The following PSEN1 variants were observed in gnomAD, a reference collection of about 807,000 sequenced individuals.
The protein encoded by PSEN1 is presenilin-1.
In PSEN1, 15 loss-of-function variants were observed where a neutral mutation model predicts 53.5. The observed-to-expected ratio is 0.28, with a 90% CI of 0.19 to 0.43. The LOEUF (loss-of-function observed/expected upper bound fraction) is 0.43. Ranked by LOEUF, PSEN1 falls within the 20% of genes least tolerant of loss-of-function variation. PSEN1 has a pLI of 1.00. For synonymous variants in PSEN1, 208 were observed against 209.8 expected (o/e 0.99, Z 0.08); for missense variants, 387 against 571.2 (o/e 0.68, Z 3.29).
chr14:73,199,235 T>C (rs1595044607), intron 8 of PSEN1, among the ~76,000 whole-genome samples: 3 of 152,298 alleles, frequency 2.0e-5, no homozygotes, highest in African/African-American at 7.2e-5. Flanking sequence ...AGATAGAGAC[T>C]TGAAGAACAT....
intron 9 of PSEN1, among the ~76,000 whole-genome samples, chr14:73,206,971 A>G (rs945450330): frequency 2.0e-5 from 3 of 152,196 alleles, no homozygotes; most frequent in Non-Finnish European, 4.4e-5. Flanking sequence ...GCTGATGTGT[A>G]TACTGAGAAG....
At position 73,183,487 on chromosome 14, in the gene PSEN1, G is replaced by A. The variant is rs1158325753; in HGVS notation, c.481-3366G>A. ...GTCCCTGGGTACTTGAGATTAGGGA[G>A]TGGTGATGACTCTTAACGAGCATGC... On this transcript the variant is annotated intron_variant, in intron 5 of 11. Transcript: ENST00000324501. Among the ~76,000 whole-genome samples, 8 of 152,180 alleles carry A rather than the reference G, an allele frequency of 5.3e-5. No individual in the cohort carries two copies. The South Asian group carries it at 1.7e-3, about 32-fold the overall frequency.
intron 3 of PSEN1, among the ~76,000 whole-genome samples, chr14:73,169,799 C>G (rs1196154188): frequency 6.6e-6 from 1 of 152,112 alleles, no homozygotes; most frequent in East Asian, 1.9e-4. Flanking sequence ...GCATGTGCCA[C>G]CATGCCCGAC....
Position 73,219,171 on chromosome 14 carries a change from A to G in PSEN1, c.1286A>G (p.Lys429Arg), listed in dbSNP as rs1295994514. ...ACATTATTACTCCTTGCCATTTTCA[A>G]GAAAGCATTGCCAGCTCTTCCAATC... ...CLTLLLLAIF[K>R]KALPALPISI... The change falls in exon 12 of 12, where the codon AAG (lysine) becomes AGG (arginine). Residue 429 changes from lysine to arginine, a missense_variant. Lys to Arg is a conservative substitution (Grantham distance 26, BLOSUM62 2). This residue lies in a region of PSEN1 where 44 missense variants were observed against 106.3 expected (regional missense o/e 0.41). Coordinates refer to ENST00000324501, the MANE Select transcript of PSEN1 (RefSeq NM_000021.4). The G allele has an allele frequency of 6.2e-7, 1 of 1,614,130 alleles. No individual in the cohort carries two copies. The highest frequency in any genetic ancestry group is 1.7e-5 in the Admixed American group (1 of 60,034).
chr14:73,177,219 A>G (rs1039035423), intron 5 of PSEN1, among the ~76,000 whole-genome samples: 1 of 152,154 alleles, frequency 6.6e-6, no homozygotes, highest in Non-Finnish European at 1.5e-5. Context: ...TCATCCTTAA[A>G]TATAACTTTT....
intron 1 of PSEN1, among the ~76,000 whole-genome samples, chr14:73,141,822 C>G (rs1242069038): frequency 6.6e-6 from 1 of 151,876 alleles, no homozygotes; most frequent in Non-Finnish European, 1.5e-5. Context: ...AATCCCAGCA[C>G]TTTGGGAGGC....
intron 3 of PSEN1, among the ~76,000 whole-genome samples, chr14:73,162,368 T>C (rs1897573668): frequency 1.3e-5 from 2 of 151,878 alleles, no homozygotes; most frequent in Non-Finnish European, 2.9e-5. Context: ...ATCTCTTGCA[T>C]TGCTGATTCT....
chr14:73,186,886 T>A lies in PSEN1; in HGVS notation c.514T>A (p.Leu172Met). ...IHAWLIISSL[L>M]LLFFFSFIYL... Reference sequence around the variant, plus strand: ...TGCCTGGCTTATTATATCATCTCTATTGTTGCTGTTCTTTTTTTCATTCAT... The same window carrying A: ...TGCCTGGCTTATTATATCATCTCTAATGTTGCTGTTCTTTTTTTCATTCAT... The change falls in exon 6 of 12, where the codon TTG (leucine) becomes ATG (methionine). Residue 172 changes from leucine to methionine, a missense_variant. Around this residue, in one of 4 missense-constraint regions of PSEN1, gnomAD observed 169 missense variants for 299.7 expected, o/e 0.56. Transcript: ENST00000324501. 6.2e-7 allele frequency: 1 copy of A among 1,613,800 alleles called. No individual in the cohort carries two copies. The highest frequency in any genetic ancestry group is 2.2e-5 in the East Asian group (1 of 44,886).
intron 8 of PSEN1, among the ~76,000 whole-genome samples, chr14:73,203,580 TC>T (rs1467083899): frequency 6.6e-6 from 1 of 152,224 alleles, no homozygotes; most frequent in Non-Finnish European, 1.5e-5. Context: ...AATAATTCTT[TC>T]ATGCATTTTA....
In PSEN1 at chr14:73,198,264, CTCTT is replaced by C; in HGVS notation, c.868+137_868+140del. ...CAGCATTCCTGGAACTCCTGCAGAT[CTCTT>C]TGTTTCCTTGCAAGCAATTGTCTTC... is the stretch of plus-strand genomic sequence containing the variant. On this transcript the variant is annotated intron_variant, in intron 8 of 11. Transcript: ENST00000324501. 6.1e-6 allele frequency: 4 copies of C among 655,848 alleles called. No homozygotes were observed. The South Asian group carries it at 6.9e-5, about 11-fold the overall frequency. The allele number at this position is 655,848 out of a possible 1,614,324, so 40.6% of individuals were successfully genotyped here.
chr14:73,151,920 T>C (rs1403647187), intron 3 of PSEN1, among the ~76,000 whole-genome samples: 1 of 109,204 alleles, frequency 9.2e-6, no homozygotes, highest in Admixed American at 9.6e-5. Flanking sequence ...TTTTTTTTTT[T>C]TTTTTTTTTG....
At chr14:73,196,743 G>A (rs963628190) in intron 7 of PSEN1, among the ~76,000 whole-genome samples, 18 of 151,530 alleles carry the variant, frequency 1.2e-4, no homozygotes, top group African/African-American at 4.4e-4. Context: ...CCAAAGTGCT[G>A]GAATTACAAG....
At chr14:73,176,746 C>A (rs981328525) in intron 5 of PSEN1, among the ~76,000 whole-genome samples, 1 of 152,118 alleles carries the variant, frequency 6.6e-6, no homozygotes, top group Admixed American at 6.5e-5. Flanking sequence ...TTGAGGTAAC[C>A]CCTACTATTA....
intron 7 of PSEN1, among the ~76,000 whole-genome samples, chr14:73,193,988 C>T (rs1010400058): frequency 6.6e-6 from 1 of 152,078 alleles, no homozygotes; most frequent in Non-Finnish European, 1.5e-5. Flanking sequence ...AATTAGGTTA[C>T]CTACTTTTTA....
At chr14:73,148,978 A>G (rs1374736762) in intron 3 of PSEN1, among the ~76,000 whole-genome samples, 1 of 152,162 alleles carries the variant, frequency 6.6e-6, no homozygotes, top group Non-Finnish European at 1.5e-5. Context: ...AAGAAAGAAA[A>G]GAAAAGAGAG....
At chr14:73,208,045 TG>T (rs200746395) in intron 9 of PSEN1, among the ~76,000 whole-genome samples, 3,401 of 152,310 alleles carry the variant, frequency 0.022, 130 homozygotes, top group African/African-American at 0.075. Context: ...TGTGTTAACC[TG>T]GGGAACACAG....
rs575947856 is a variant in PSEN1, at chr14:73,186,783, G to GAA, written c.481-61_481-60dup. 7 of 1,305,020 alleles carry GAA rather than the reference G, an allele frequency of 5.4e-6. No homozygotes were observed. In the East Asian group the frequency reaches 7.2e-5, roughly 13 times the overall value. The allele number at this position is 1,305,020 out of a possible 1,614,324, so 80.8% of individuals were successfully genotyped here. ...CAAAGTGAGACCCTGTCTCAAAAAA[G>GAA]AAAAAAAAAATCTGTACTTTTTAAG... is the stretch of plus-strand genomic sequence containing the variant. On this transcript the variant is annotated intron_variant, in intron 5 of 11. Transcript: ENST00000324501.
At position 73,222,391 on chromosome 14, in the gene PSEN1, A is replaced by G. The variant is rs936280813; in HGVS notation, c.*3102A>G. 4 of 152,186 alleles carry G rather than the reference A, an allele frequency of 2.6e-5. No homozygotes were observed. Among genetic ancestry groups the G allele is most frequent in the African/African-American group, 9.7e-5 (4 of 41,446 alleles). The allele number at this position is 152,186 out of a possible 1,614,324, so 9.4% of individuals were successfully genotyped here. The stretch of plus-strand genomic sequence containing the variant: ...AGATGATGTTTATTACTTGTTATTT[A>G]CGTGGCCTCAGACAGTGTATGTATT... On this transcript the variant is annotated 3_prime_UTR_variant, in exon 12 of 12. Transcript: ENST00000324501.
At chr14:73,212,889 A>G (rs747828797) in intron 10 of PSEN1, among the ~76,000 whole-genome samples, 1 of 152,260 alleles carries the variant, frequency 6.6e-6, no homozygotes, top group Non-Finnish European at 1.5e-5. Context: ...GCAAGAGTGA[A>G]ACTTGATTAA....
Sources: gnomAD v4.1 joint callset for allele counts (sites outside exome capture counted in the v4.1 genomes callset) on GRCh38, gnomAD v4.1.1 for gene constraint, gnomAD v4.1.1 regional missense constraint, MANE v1.5 for transcripts, NCBI Gene and HGNC (gene_info 2026-07-23, HGNC 2026-07-21) for gene names.